Variants in ECT2 observed in about 807,000 individuals in gnomAD.
The protein encoded by ECT2 is protein ECT2.
ECT2 carries 61 observed loss-of-function variants against 116.9 expected under a neutral mutation model. That is an observed-to-expected ratio of 0.52 (90% CI 0.42 to 0.65). ECT2 has a LOEUF of 0.65. Among genes scored for constraint, ECT2 ranks in the 30% least tolerant of loss-of-function variants. ECT2 has a pLI of 0.00. For missense variants in ECT2, 937 were observed against 1,078.7 expected (o/e 0.87, Z 1.84); for synonymous variants, 358 against 346.4 (o/e 1.03, Z -0.37).
At position 172,764,292 on chromosome 3, in the gene ECT2, G is replaced by A; in HGVS notation, c.1083G>A (p.Glu361=). The change falls in exon 12 of 25, where the codon GAG becomes GAA. Residue 361 remains glutamate, a synonymous_variant. Coordinates refer to ENST00000392692, the MANE Select transcript of ECT2 (RefSeq NM_001258315.2). ...TTTGATTACAGGCAAATACTCCTGA[G>A]CTCAAGAAATCAGTGTCAATGCTTT... The part of the protein sequence containing the change: ...MYLYEKANTP[E]LKKSVSMLSL... 1 of 1,614,032 alleles carries A rather than the reference G, an allele frequency of 6.2e-7. No individual in the cohort carries two copies. The highest frequency in any genetic ancestry group is 2.2e-5 in the East Asian group (1 of 44,888).
chr3:172,773,819 C>A (rs1314832453), intron 13 of ECT2, 84 bp from the exon 14 acceptor site: 10 of 1,341,032 alleles, frequency 7.5e-6, no homozygotes, highest in Non-Finnish European at 9.3e-6. Flanking sequence ...CTATTAATAT[C>A]TTGTGTCTCC....
chr3:172,787,011 C>G (rs66520404), intron 18 of ECT2, among the ~76,000 whole-genome samples: 2 of 151,988 alleles, frequency 1.3e-5, no homozygotes, highest in Non-Finnish European at 2.9e-5. Flanking sequence ...ATTAAATTGG[C>G]GGGATTGGTT....
At position 172,811,140 on chromosome 3, in the gene ECT2, C is replaced by T. The variant is rs561865980; in HGVS notation, c.2400+3216C>T. Among the ~76,000 whole-genome samples, 6 of 151,752 alleles carry T rather than the reference C, an allele frequency of 4.0e-5. No homozygotes were observed. The South Asian group carries it at 1.3e-3, about 32-fold the overall frequency. Reference sequence around the variant, plus strand: ...TTTTATTTTATTTTTTCGTCCTTGTCCTGGTACATATTATATTTTAGAAAT... The same window carrying T: ...TTTTATTTTATTTTTTCGTCCTTGTTCTGGTACATATTATATTTTAGAAAT... On this transcript the variant is annotated intron_variant, in intron 22 of 24. Coordinates refer to ENST00000392692, the MANE Select transcript of ECT2 (RefSeq NM_001258315.2).
chr3:172,751,628 C>T (rs549975262), intron 1 of ECT2, among the ~76,000 whole-genome samples: 1 of 152,062 alleles, frequency 6.6e-6, no homozygotes, highest in East Asian at 1.9e-4. Context: ...GCATTTTAGT[C>T]CTTCACCTTG....
intron 24 of ECT2, 132 bp from the exon 25 acceptor site, chr3:172,820,016 T>G (rs1730474924): frequency 3.5e-6 from 2 of 565,158 alleles, no homozygotes; most frequent in Non-Finnish European, 5.9e-6. Context: ...AGTTTAGAAT[T>G]GTCAGATGTC....
intron 18 of ECT2, among the ~76,000 whole-genome samples, chr3:172,792,817 A>G (rs1020201075): frequency 3.3e-5 from 5 of 152,106 alleles, no homozygotes; most frequent in Non-Finnish European, 7.4e-5. Flanking sequence ...TCCCAGGCTC[A>G]AGTGATCATC....
chr3:172,817,703 A>G (rs758593956), intron 24 of ECT2, among the ~76,000 whole-genome samples: 3 of 152,148 alleles, frequency 2.0e-5, no homozygotes, highest in Non-Finnish European at 2.9e-5. Flanking sequence ...ATTACTAAGT[A>G]TTTGAGTGAA....
chr3:172,813,971 T>C (rs1349193741), intron 22 of ECT2, among the ~76,000 whole-genome samples: 1 of 152,068 alleles, frequency 6.6e-6, no homozygotes. Flanking sequence ...AGTAATTGAT[T>C]AGGAGAGTTA....
chr3:172,771,115 T>C lies in ECT2; in HGVS notation c.1428+1972T>C, dbSNP rs553535011. Among the ~76,000 whole-genome samples the C allele has an allele frequency of 2.0e-5, 3 of 152,304 alleles. No homozygotes were observed. The East Asian group carries it at 5.8e-4, about 29-fold the overall frequency. ...GCTGGTACACATGAAATTTCCTTCC[T>C]TTGGTAATGCCTTTTTTTGACAGAA... On this transcript the variant is annotated intron_variant, in intron 13 of 24. Transcript: ENST00000392692.
At chr3:172,751,090 C>G (rs2108290741) in intron 1 of ECT2, 1 of 152,390 alleles carries the variant, frequency 6.6e-6, no homozygotes, top group East Asian at 1.9e-4. Flanking sequence ...TTCGCCCTCA[C>G]CTGTTGGCTC....
chr3:172,794,063 T>C (rs969715413), intron 18 of ECT2, among the ~76,000 whole-genome samples: 4 of 152,172 alleles, frequency 2.6e-5, no homozygotes, highest in African/African-American at 7.2e-5. Flanking sequence ...TTTTTTTCTT[T>C]TGACAATTTC....
chr3:172,817,068 AT>A (rs1353814991), intron 24 of ECT2, among the ~76,000 whole-genome samples: 1 of 152,082 alleles, frequency 6.6e-6, no homozygotes. Context: ...GGTGCACCTT[AT>A]ACTTACAAAG....
chr3:172,807,852 T>C lies in ECT2; in HGVS notation c.2328T>C (p.Asp776=). The C allele has an allele frequency of 6.2e-7, 1 of 1,614,000 alleles. No homozygotes were observed. ...NVLLSFQMTS[D]ELPKENWLKM... ...TACTCAGTTTCCAGATGACATCAGA[T>C]GAACTTCCAAAAGAAAACTGGCTAA... Residue 776 remains aspartate (D), a synonymous_variant, in exon 22 of 25, where the codon GAT becomes GAC. Transcript: ENST00000392692.
intron 15 of ECT2, among the ~76,000 whole-genome samples, chr3:172,783,102 T>A (rs1040803402): frequency 7.2e-5 from 11 of 152,198 alleles, no homozygotes; most frequent in African/African-American, 2.4e-4. Flanking sequence ...TGCCTCTTAC[T>A]AGGATAAGAA....
At chr3:172,818,741 A>C in intron 24 of ECT2, 4 of 1,288,080 alleles carry the variant, frequency 3.1e-6, no homozygotes, top group Non-Finnish European at 3.0e-6. Flanking sequence ...GTTCTTTCCA[A>C]GTCATCTTTG....
chr3:172,768,898 G>A (rs1720060560), intron 12 of ECT2, 109 bp from the exon 13 acceptor site: 1 of 1,251,910 alleles, frequency 8.0e-7, no homozygotes, highest in Non-Finnish European at 1.1e-6. Context: ...CTGTATGGTG[G>A]TACATTTATA....
At chr3:172,752,152 G>A (rs1175250838) in intron 1 of ECT2, 1 of 149,536 alleles carries the variant, frequency 6.7e-6, no homozygotes. Context: ...TTTTTTAGAC[G>A]GAGTCTACCT....
rs995967083 is a variant in ECT2, at chr3:172,762,815, T to C, written c.1005+9T>C. ...ATGTTGTCAAGCAAGAGGCAAGTAA[T>C]TCTAGAATGAGGTTGGTTTTTAAAA... On this transcript the variant is annotated intron_variant, in intron 10 of 24. Transcript: ENST00000392692. 6.2e-7 allele frequency: 1 copy of C among 1,610,624 alleles called. No individual in the cohort carries two copies. Among genetic ancestry groups the C allele is most frequent in the Non-Finnish European group, 8.5e-7 (1 of 1,178,800 alleles).
intron 24 of ECT2, chr3:172,818,632 T>C: frequency 1.6e-6 from 2 of 1,289,148 alleles, no homozygotes; most frequent in Non-Finnish European, 1.0e-6. Flanking sequence ...TGGTGGGCGC[T>C]CTCAGTACTC....
Sources: allele counts gnomAD v4.1 joint callset (sites outside exome capture counted in the v4.1 genomes callset), GRCh38; gene constraint gnomAD v4.1.1; transcripts MANE v1.5; gene names NCBI Gene and HGNC (gene_info 2026-07-23, HGNC 2026-07-21).